The following CEP83 variants were observed in gnomAD, a reference collection of about 807,000 sequenced individuals.
The protein encoded by CEP83 is centrosomal protein of 83 kDa.
In CEP83, 70 loss-of-function variants were observed where a neutral mutation model predicts 101.9. The ratio of observed to expected loss-of-function variants is 0.69; its 90% CI spans 0.57 to 0.84. The LOEUF (loss-of-function observed/expected upper bound fraction) is 0.84. CEP83 is among the 40% of genes least tolerant of loss of function. The pLI is 0.00. For missense variants in CEP83, 715 were observed against 787.2 expected, an observed-to-expected ratio of 0.91 and a Z score of 1.10; for synonymous variants, 264 against 267.9, an observed-to-expected ratio of 0.99 and a Z score of 0.14.
At chr12:94,297,444 G>GCCATAAAGTGCTCC in the CEP83 span, 1 of 1,494,674 alleles carries the variant, frequency 6.7e-7, no homozygotes, top group Non-Finnish European at 9.3e-7. Context: ...TGTTCTGGGA[G>GCCATAAAGTGCTCC]CACTTTATGG....
At position 94,307,879 on chromosome 12, in the gene CEP83, A is replaced by ACTT. The variant is rs1969240719; in HGVS notation, c.*931_*933dup. On this transcript the variant is annotated 3_prime_UTR_variant, in exon 17 of 17. Coordinates refer to ENST00000397809, the MANE Select transcript of CEP83 (RefSeq NM_016122.3). The stretch of plus-strand genomic sequence containing the variant: ...CTGGCCTTCTTCACTATCAACTGGG[A>ACTT]CTTTTGACTATGAACACCTTGGGAT... The ACTT allele has an allele frequency of 6.6e-6, 1 of 152,146 alleles. No homozygotes were observed. The highest frequency in any genetic ancestry group is 1.5e-5 in the Non-Finnish European group (1 of 68,028). The allele number at this position is 152,146 out of a possible 1,614,324, so 9.4% of individuals were successfully genotyped here.
At chr12:94,405,383 GA>G (rs2063477606) in intron 4 of CEP83, among the ~76,000 whole-genome samples, 1 of 152,186 alleles carries the variant, frequency 6.6e-6, no homozygotes, top group Non-Finnish European at 1.5e-5. Flanking sequence ...TTTGTTGAAA[GA>G]ATATTATTTG....
intron 1 of CEP83, among the ~76,000 whole-genome samples, chr12:94,458,866 C>T (rs1258903336): frequency 1.3e-5 from 2 of 152,148 alleles, no homozygotes; most frequent in African/African-American, 4.8e-5. Context: ...ATTCTAAATC[C>T]AGGTAACTGT....
the CEP83 span, among the ~76,000 whole-genome samples, chr12:94,269,499 A>T: frequency 6.6e-6 from 1 of 152,188 alleles, no homozygotes; most frequent in Non-Finnish European, 1.5e-5. Context: ...TCTTACTAGT[A>T]TACTTCCTTT....
Position 94,437,526 on chromosome 12 carries a change from C to T in CEP83, c.-154-2199G>A, listed in dbSNP as rs1370580019. Among the ~76,000 whole-genome samples, 3 of 152,348 alleles carry T rather than the reference C, an allele frequency of 2.0e-5. No individual in the cohort carries two copies. The East Asian group carries it at 5.8e-4, about 29-fold the overall frequency. The stretch of plus-strand genomic sequence containing the variant: ...TACAAAGGAAAACCTAACAGATTAA[C>T]AGCAGATTTCTCAGCAGAAACCCTA... On this transcript the variant is annotated intron_variant, in intron 1 of 16. Coordinates refer to ENST00000397809, the MANE Select transcript of CEP83 (RefSeq NM_016122.3).
chr12:94,337,811 G>C (rs1379592593), intron 11 of CEP83, among the ~76,000 whole-genome samples: 1 of 152,136 alleles, frequency 6.6e-6, no homozygotes, highest in African/African-American at 2.4e-5. Context: ...GGGATTAAAA[G>C]CACTGTTCAC....
the CEP83 span, chr12:94,297,531 T>C: frequency 1.4e-6 from 1 of 739,776 alleles, no homozygotes; most frequent in Non-Finnish European, 2.3e-6. Context: ...TTGTGCCTTC[T>C]AGCAAAGCAA....
intron 14 of CEP83, chr12:94,313,219 G>A: frequency 6.3e-6 from 2 of 319,520 alleles, no homozygotes; most frequent in South Asian, 1.0e-4. Context: ...TTCTCAATGT[G>A]ACAATTAATT....
intron 6 of CEP83, among the ~76,000 whole-genome samples, chr12:94,380,071 C>CAAAAA (rs11362391): frequency 2.3e-4 from 19 of 83,176 alleles, no homozygotes; most frequent in African/African-American, 6.0e-4. Flanking sequence ...CCCGGCCCTG[C>CAAAAA]AAAAAAAAAA....
rs566727353 is a variant in CEP83, at chr12:94,387,953, GA to G, written c.550-8912del. 1.9e-3 allele frequency among the ~76,000 whole-genome samples: 296 copies of G among 152,174 alleles called. 1 individual carries two copies. The highest frequency in any genetic ancestry group is 6.7e-3 in the African/African-American group (278 of 41,530). ...AATAACAGATGCTAGCAAGGCTGCAGAAAAAAGGGAACATTATACACTATTG... is the reference window on the plus strand; with the variant it reads ...AATAACAGATGCTAGCAAGGCTGCAGAAAAAGGGAACATTATACACTATTG... On this transcript the variant is annotated intron_variant, in intron 6 of 16. Coordinates refer to ENST00000397809, the MANE Select transcript of CEP83 (RefSeq NM_016122.3).
chr12:94,310,932 AATAAG>A (rs1197627232), intron 15 of CEP83, among the ~76,000 whole-genome samples: 8 of 152,188 alleles, frequency 5.3e-5, no homozygotes, highest in Admixed American at 1.3e-4. Flanking sequence ...TTTGTATATT[AATAAG>A]ATAACTGGTG....
In CEP83 at chr12:94,356,930, C is replaced by A. The variant is rs566116729; in HGVS notation, c.1343+10864G>T. On this transcript the variant is annotated intron_variant, in intron 11 of 16. Coordinates refer to ENST00000397809, the MANE Select transcript of CEP83 (RefSeq NM_016122.3). The stretch of plus-strand genomic sequence containing the variant: ...TGGTTTAGATGCACAACTGGTCATG[C>A]AGGATGATGCCATAGAACAACTTAG... Among the ~76,000 whole-genome samples the A allele has an allele frequency of 2.6e-5, 4 of 152,210 alleles. No homozygotes were observed. The South Asian group carries it at 8.3e-4, about 32-fold the overall frequency.
At chr12:94,401,551 A>G (rs1434958383) in intron 5 of CEP83, among the ~76,000 whole-genome samples, 2 of 152,156 alleles carry the variant, frequency 1.3e-5, no homozygotes, top group East Asian at 1.9e-4. Context: ...ACAGTACTCT[A>G]TGAAAGCTGC....
At chr12:94,267,462 A>C in the CEP83 span, among the ~76,000 whole-genome samples, 3 of 152,198 alleles carry the variant, frequency 2.0e-5, no homozygotes, top group Non-Finnish European at 2.9e-5. Context: ...CGACTCTTGA[A>C]ATTTTTTTTT....
At chr12:94,347,545 TC>T (rs2059997893) in intron 11 of CEP83, among the ~76,000 whole-genome samples, 2 of 152,188 alleles carry the variant, frequency 1.3e-5, no homozygotes, top group Admixed American at 6.5e-5. Flanking sequence ...GACTTAGTAA[TC>T]CCATTTCTAG....
intron 7 of CEP83, among the ~76,000 whole-genome samples, chr12:94,376,570 T>C (rs898646269): frequency 6.6e-6 from 1 of 151,936 alleles, no homozygotes; most frequent in Admixed American, 6.6e-5. Context: ...GTTAATGAAG[T>C]CTGCAGGTTG....
chr12:94,282,350 C>T, the CEP83 span: 38 of 1,613,928 alleles, frequency 2.4e-5, no homozygotes, highest in South Asian at 2.6e-4. Flanking sequence ...ACAGTTCCTC[C>T]GTGATTCTTG....
chr12:94,300,810 A>G, the CEP83 span: 1 of 1,114,312 alleles, frequency 9.0e-7, no homozygotes. Flanking sequence ...TGTATACTTC[A>G]ATAACAAGGA....
chr12:94,423,887 G>A (rs2064980350), intron 2 of CEP83: 1 of 1,611,924 alleles, frequency 6.2e-7, no homozygotes, highest in East Asian at 2.2e-5. Context: ...TCCTTGCATA[G>A]CTGCAGCCGT....
Sources: allele counts gnomAD v4.1 joint callset (sites outside exome capture counted in the v4.1 genomes callset), GRCh38; gene constraint gnomAD v4.1.1; transcripts MANE v1.5; gene names NCBI Gene and HGNC (gene_info 2026-07-23, HGNC 2026-07-21).